Variants in DOCK5 observed in about 807,000 individuals in gnomAD.
DOCK5 encodes the protein dedicator of cytokinesis 5, also known as dedicator of cytokinesis protein 5.
Under a neutral mutation model 251.8 loss-of-function variants are expected in DOCK5, and 142 were observed. That is an observed-to-expected ratio of 0.56 (90% CI 0.49 to 0.65). The LOEUF (loss-of-function observed/expected upper bound fraction) is 0.65. DOCK5 is among the 30% of genes least tolerant of loss of function. The pLI is 0.00. For synonymous variants in DOCK5, 842 were observed against 835.5 expected (o/e 1.01, Z -0.13); for missense variants, 2,111 against 2,312.3 (o/e 0.91, Z 1.79).
At chr8:25,338,179 C>A (rs1272328350) in intron 22 of DOCK5, among the ~76,000 whole-genome samples, 1 of 151,644 alleles carries the variant, frequency 6.6e-6, no homozygotes, top group South Asian at 2.1e-4. Flanking sequence ...GTAGCTGGGA[C>A]CAAAGGGCAC....
chr8:25,392,116 A>G, intron 43 of DOCK5, 136 bp downstream of exon 43: 1 of 793,476 alleles, frequency 1.3e-6, no homozygotes, highest in South Asian at 1.8e-5. Context: ...ATCCTGGCTA[A>G]TACGGTGAAA....
intron 27 of DOCK5, among the ~76,000 whole-genome samples, chr8:25,356,160 A>G (rs2117258531): frequency 6.6e-6 from 1 of 152,182 alleles, no homozygotes; most frequent in East Asian, 1.9e-4. Context: ...AGATCGCGCC[A>G]CTGCACTCCA....
chr8:25,295,393 T>A (rs2709633), intron 6 of DOCK5, among the ~76,000 whole-genome samples: 120,480 of 149,760 alleles, frequency 0.8, 51,603 homozygotes, highest in Non-Finnish European at 0.95. Flanking sequence ...CTAAAAAAAA[T>A]AAAAATAAAT....
At chr8:25,276,800 C>T (rs1179265533) in intron 4 of DOCK5, 1 of 152,134 alleles carries the variant, frequency 6.6e-6, no homozygotes, top group South Asian at 2.1e-4. Context: ...TTATCCAAAA[C>T]TCCAAAAGGC....
At position 25,269,114 on chromosome 8, in the gene DOCK5, TG is replaced by T. The variant is rs1256430047; in HGVS notation, c.168+231del. On this transcript the variant is annotated intron_variant, in intron 3 of 51. Transcript: ENST00000276440. ...ACCAGCCAATTCAAGGAGAAAATCC[TG>T]GAAGACTTCTTGCTTCCTGTCCCTC... Among the ~76,000 whole-genome samples, 7 of 152,358 alleles carry T rather than the reference TG, an allele frequency of 4.6e-5. No individual in the cohort carries two copies. In the East Asian group the frequency reaches 1.4e-3, roughly 29 times the overall value.
chr8:25,200,640 A>G (rs1273488110), intron 1 of DOCK5, among the ~76,000 whole-genome samples: 1 of 152,244 alleles, frequency 6.6e-6, no homozygotes. Flanking sequence ...AGAAGAAAAC[A>G]TAAGAGCACA....
intron 13 of DOCK5, among the ~76,000 whole-genome samples, chr8:25,311,282 G>A (rs1232049512): frequency 1.3e-5 from 2 of 152,084 alleles, no homozygotes; most frequent in South Asian, 2.1e-4. Flanking sequence ...GGTGGCTCAC[G>A]CCTGTAAAAT....
At chr8:25,382,542 C>A in intron 39 of DOCK5, 132 bp from the exon 40 acceptor site, 1 of 706,116 alleles carries the variant, frequency 1.4e-6, no homozygotes, top group Non-Finnish European at 2.4e-6. Flanking sequence ...CCTTTTCTGC[C>A]CATAGGGTGT....
intron 2 of DOCK5, among the ~76,000 whole-genome samples, chr8:25,266,840 TA>T (rs34210893): frequency 0.45 from 67,362 of 150,318 alleles, 18,553 homozygotes; most frequent in Non-Finnish European, 0.61. Context: ...CATAGGAGGT[TA>T]AAAAAAAAAG....
At chr8:25,301,531 G>A (rs1456178568) in intron 9 of DOCK5, among the ~76,000 whole-genome samples, 2 of 152,084 alleles carry the variant, frequency 1.3e-5, no homozygotes, top group Admixed American at 6.6e-5. Flanking sequence ...CTGAATGAGA[G>A]ATATCAGCTC....
At chr8:25,275,986 A>G (rs1344397461) in intron 4 of DOCK5, among the ~76,000 whole-genome samples, 1 of 152,176 alleles carries the variant, frequency 6.6e-6, no homozygotes, top group East Asian at 1.9e-4. Context: ...TCTCCAGAAT[A>G]CTAAACACAG....
chr8:25,399,310 T>C (rs1801397817), intron 45 of DOCK5, among the ~76,000 whole-genome samples: 1 of 152,218 alleles, frequency 6.6e-6, no homozygotes, highest in Non-Finnish European at 1.5e-5. Context: ...GGTGCTGATA[T>C]ATAATAATAA....
chr8:25,296,598 G>A lies in DOCK5; in HGVS notation c.556G>A (p.Ala186Thr), dbSNP rs778032313. The A allele has an allele frequency of 6.2e-7, 1 of 1,612,408 alleles. No individual in the cohort carries two copies. Among genetic ancestry groups the A allele is most frequent in the Non-Finnish European group, 8.5e-7 (1 of 1,179,326 alleles). The stretch of plus-strand genomic sequence containing the variant: ...AACCAGCACCATTGCCCTCTTCAAG[G>A]CCCATGAGGTGGCCTCCAAAAGGAT... The part of the protein sequence containing the change: ...DETSTIALFK[A>T]HEVASKRIEE... Residue 186 changes from alanine (A) to threonine (T), a missense_variant, in exon 7 of 52, where the codon GCC (alanine) becomes ACC (threonine). Physicochemically the swap from Ala to Thr is moderately conservative, Grantham distance 58. Transcript: ENST00000276440.
chr8:25,251,603 G>A (rs1298601319), intron 2 of DOCK5, among the ~76,000 whole-genome samples: 1 of 152,204 alleles, frequency 6.6e-6, no homozygotes, highest in African/African-American at 2.4e-5. Context: ...GCCTTTGTGA[G>A]TAGGGACAGT....
At chr8:25,334,686 T>C (rs1371593958) in intron 21 of DOCK5, among the ~76,000 whole-genome samples, 1 of 149,614 alleles carries the variant, frequency 6.7e-6, no homozygotes, top group Non-Finnish European at 1.5e-5. Flanking sequence ...CACTCCAGCC[T>C]AAGTGACAGA....
chr8:25,193,830 A>C (rs1393812278), intron 1 of DOCK5, among the ~76,000 whole-genome samples: 1 of 152,164 alleles, frequency 6.6e-6, no homozygotes, highest in Non-Finnish European at 1.5e-5. Flanking sequence ...ACTTGTTTAC[A>C]ATATGTTAGC....
intron 5 of DOCK5, among the ~76,000 whole-genome samples, chr8:25,291,399 C>G (rs543961061): frequency 3.9e-5 from 6 of 152,108 alleles, no homozygotes; most frequent in Non-Finnish European, 8.8e-5. Flanking sequence ...TATAAAGAAT[C>G]AGGCTAGGCG....
At chr8:25,237,049 T>C (rs917467089) in intron 1 of DOCK5, among the ~76,000 whole-genome samples, 10 of 152,208 alleles carry the variant, frequency 6.6e-5, no homozygotes, top group Non-Finnish European at 1.2e-4. Flanking sequence ...TGAGGATTCA[T>C]GTAATAATCT....
intron 40 of DOCK5, among the ~76,000 whole-genome samples, chr8:25,387,983 A>T (rs1801193569): frequency 6.6e-6 from 1 of 152,180 alleles, no homozygotes; most frequent in Non-Finnish European, 1.5e-5. Flanking sequence ...TGAATGATGG[A>T]ATTTCAACAG....
Sources: gnomAD v4.1 joint callset for allele counts (sites outside exome capture counted in the v4.1 genomes callset) on GRCh38, gnomAD v4.1.1 for gene constraint, MANE v1.5 for transcripts, NCBI Gene and HGNC (gene_info 2026-07-23, HGNC 2026-07-21) for gene names.